RBM47: variants seen among roughly 807,000 people sequenced by gnomAD.
RBM47 encodes RNA-binding protein 47.
A neutral mutation model predicts 47.1 loss-of-function variants in RBM47; 21 were observed. That is an observed-to-expected ratio of 0.45 (90% confidence interval 0.32 to 0.64). The LOEUF (loss-of-function observed/expected upper bound fraction) is 0.64. Among genes scored for constraint, RBM47 ranks in the 30% least tolerant of loss-of-function variants. The pLI, the probability that RBM47 is intolerant of heterozygous loss-of-function variation, is 0.05. For synonymous variants in RBM47, 375 were observed against 361.7 expected (o/e 1.04, Z -0.42); for missense variants, 708 against 870.9 (o/e 0.81, Z 2.35).
chr4:40,457,195 G>A (rs1007464444), intron 3 of RBM47, among the ~76,000 whole-genome samples: 10 of 151,770 alleles, frequency 6.6e-5, no homozygotes, highest in Admixed American at 4.6e-4. Flanking sequence ...CAAGTGGAGC[G>A]GATCACCTGA....
intron 1 of RBM47, among the ~76,000 whole-genome samples, chr4:40,572,927 G>A (rs1370539238): frequency 4.6e-5 from 7 of 151,472 alleles, no homozygotes; most frequent in South Asian, 4.2e-4. Context: ...CGAGGCGGGC[G>A]GATTACTTGA....
intron 5 of RBM47, among the ~76,000 whole-genome samples, chr4:40,434,881 G>A (rs912737773): frequency 5.3e-5 from 8 of 152,286 alleles, no homozygotes; most frequent in African/African-American, 1.9e-4. Context: ...GAAAATCAGA[G>A]TAGCTGGGCT....
At chr4:40,449,605 C>T (rs1309884418) in intron 3 of RBM47, among the ~76,000 whole-genome samples, 1 of 152,178 alleles carries the variant, frequency 6.6e-6, no homozygotes, top group African/African-American at 2.4e-5. Context: ...AGCCACCCTC[C>T]CGAAAGGGGT....
At chr4:40,588,678 G>T (rs1733826960) in intron 1 of RBM47, among the ~76,000 whole-genome samples, 1 of 152,132 alleles carries the variant, frequency 6.6e-6, no homozygotes, top group South Asian at 2.1e-4. Flanking sequence ...ATAGCTGCCT[G>T]GTTAGTCTTG....
intron 2 of RBM47, among the ~76,000 whole-genome samples, chr4:40,530,120 G>C (rs1727245493): frequency 6.6e-6 from 1 of 150,820 alleles, no homozygotes; most frequent in African/African-American, 2.4e-5. Context: ...ATTTTTAGTA[G>C]AGACGGGGTT....
chr4:40,564,347 A>C (rs1031396634), intron 1 of RBM47, among the ~76,000 whole-genome samples: 1 of 152,246 alleles, frequency 6.6e-6, no homozygotes, highest in African/African-American at 2.4e-5. Context: ...AGCAGCTGCC[A>C]GTCTGGATCT....
At chr4:40,610,048 G>C (rs1019800281) in intron 1 of RBM47, among the ~76,000 whole-genome samples, 1 of 151,910 alleles carries the variant, frequency 6.6e-6, no homozygotes, top group Admixed American at 6.6e-5. Flanking sequence ...CCGAGATCAC[G>C]CCACTGCACT....
chr4:40,568,100 G>A (rs1374983201), intron 1 of RBM47, among the ~76,000 whole-genome samples: 1 of 151,206 alleles, frequency 6.6e-6, no homozygotes. Flanking sequence ...GTGACCGAGC[G>A]AGACTCTGTC....
At chr4:40,492,905 C>T (rs1722080116) in intron 2 of RBM47, among the ~76,000 whole-genome samples, 1 of 152,158 alleles carries the variant, frequency 6.6e-6, no homozygotes, top group Non-Finnish European at 1.5e-5. Flanking sequence ...CAGCAGGCAG[C>T]AACTCCCCTG....
At chr4:40,627,241 A>T (rs1349157353) in intron 1 of RBM47, among the ~76,000 whole-genome samples, 1 of 152,178 alleles carries the variant, frequency 6.6e-6, no homozygotes, top group Non-Finnish European at 1.5e-5. Flanking sequence ...TTGTAACTTC[A>T]TCAAAGTTTG....
rs1714910098 is a variant in RBM47 at position 40,425,601 on chromosome 4, T to TA, written c.*302dup. On this transcript the variant is annotated 3_prime_UTR_variant, in exon 7 of 7. Coordinates refer to ENST00000295971, the MANE Select transcript of RBM47 (RefSeq NM_001098634.2). Reference sequence around the variant, plus strand: ...AACCTTCATACTGAAAATATATCCTTAAAAAAACAACAACAAAAACCTCTA... The same window carrying TA: ...AACCTTCATACTGAAAATATATCCTTAAAAAAAACAACAACAAAAACCTCTA... 22 of 225,536 alleles carry TA rather than the reference T, an allele frequency of 9.8e-5. No individual in the cohort carries two copies. The highest frequency in any genetic ancestry group is 6.5e-4 in the East Asian group (7 of 10,696). The allele number at this position is 225,536 out of a possible 1,614,324, so 14.0% of individuals were successfully genotyped here.
At chr4:40,428,820 G>A (rs1286280025) in intron 6 of RBM47, among the ~76,000 whole-genome samples, 1 of 152,118 alleles carries the variant, frequency 6.6e-6, no homozygotes, top group Non-Finnish European at 1.5e-5. Context: ...GCAGAGATCA[G>A]GCATCTGATC....
intron 1 of RBM47, among the ~76,000 whole-genome samples, chr4:40,595,486 T>C (rs1362492873): frequency 2.0e-5 from 3 of 151,800 alleles, no homozygotes; most frequent in Non-Finnish European, 4.4e-5. Context: ...AGAGCAAGAC[T>C]ATCTCAAAAA....
At chr4:40,495,492 C>T (rs1463404780) in intron 2 of RBM47, among the ~76,000 whole-genome samples, 2 of 151,940 alleles carry the variant, frequency 1.3e-5, no homozygotes, top group African/African-American at 4.8e-5. Flanking sequence ...GTCCCAGCTA[C>T]TTGGGAGGCA....
intron 1 of RBM47, among the ~76,000 whole-genome samples, chr4:40,602,064 G>A (rs1304073597): frequency 6.6e-6 from 1 of 151,934 alleles, no homozygotes; most frequent in Non-Finnish European, 1.5e-5. Context: ...AGCTACTCAG[G>A]GGCTGAGGCA....
At chr4:40,602,266 T>C (rs1027821903) in intron 1 of RBM47, among the ~76,000 whole-genome samples, 2 of 152,140 alleles carry the variant, frequency 1.3e-5, no homozygotes, top group Admixed American at 1.3e-4. Context: ...CTCATAGAGA[T>C]GTTCTAAAGA....
intron 1 of RBM47, among the ~76,000 whole-genome samples, chr4:40,553,309 T>TATTTC (rs1729751445): frequency 6.6e-6 from 1 of 150,794 alleles, no homozygotes; most frequent in African/African-American, 2.4e-5. Context: ...TATTTTATTT[T>TATTTC]ATTTTTGAGA....
chr4:40,528,004 C>T (rs1339182150), intron 2 of RBM47, among the ~76,000 whole-genome samples: 1 of 152,162 alleles, frequency 6.6e-6, no homozygotes. Context: ...GTGCACTGCC[C>T]ATTAAGTACT....
chr4:40,494,452 A>ACCACTT (rs1401195056), intron 2 of RBM47, among the ~76,000 whole-genome samples: 7 of 152,224 alleles, frequency 4.6e-5, no homozygotes, highest in African/African-American at 1.4e-4. Flanking sequence ...ATATCTTGCT[A>ACCACTT]AATCTACCAC....
Sources: allele counts gnomAD v4.1 joint callset (sites outside exome capture counted in the v4.1 genomes callset), GRCh38; gene constraint gnomAD v4.1.1; transcripts MANE v1.5; gene names NCBI Gene and HGNC (gene_info 2026-07-23, HGNC 2026-07-21).